The following TSHZ2 variants were observed in gnomAD, a reference collection of about 807,000 sequenced individuals.
TSHZ2 encodes the protein teashirt homolog 2.
A neutral mutation model predicts 74.4 loss-of-function variants in TSHZ2; 21 were observed. The observed-to-expected ratio is 0.28, with a 90% CI of 0.20 to 0.41. The LOEUF (loss-of-function observed/expected upper bound fraction) is 0.41, where lower values mean the gene tolerates loss of function less well. Among genes scored for constraint, TSHZ2 ranks in the 10% least tolerant of loss-of-function variants. The pLI, the probability that TSHZ2 is intolerant of heterozygous loss-of-function variation, is 1.00. For synonymous variants in TSHZ2, 540 were observed against 515.3 expected, an observed-to-expected ratio of 1.05 and a Z score of -0.65; for missense variants, 1,244 against 1,293.5, an observed-to-expected ratio of 0.96 and a Z score of 0.59.
At chr20:53,340,184 C>CTTTTTTTTTTTTTTTTTTTTTTT (rs557613827) in intron 2 of TSHZ2, among the ~76,000 whole-genome samples, 4 of 109,872 alleles carry the variant, frequency 3.6e-5, no homozygotes, top group African/African-American at 1.1e-4. Flanking sequence ...TTTCTTTTTT[C>CTTTTTTTTTTTTTTTTTTTTTTT]TTTTTTTTTT....
chr20:53,096,247 T>G (rs539574455), intron 1 of TSHZ2, among the ~76,000 whole-genome samples: 1 of 152,184 alleles, frequency 6.6e-6, no homozygotes, highest in Non-Finnish European at 1.5e-5. Context: ...ATTCAAGTGA[T>G]TCTCTTGTTT....
At chr20:53,176,246 A>G (rs1988333907) in intron 1 of TSHZ2, among the ~76,000 whole-genome samples, 2 of 152,042 alleles carry the variant, frequency 1.3e-5, no homozygotes, top group Admixed American at 6.6e-5. Flanking sequence ...TCCTGTCTGT[A>G]TCTTCTCCCT....
chr20:52,974,193 A>T (rs950808040), intron 1 of TSHZ2, among the ~76,000 whole-genome samples: 5 of 152,174 alleles, frequency 3.3e-5, no homozygotes, highest in African/African-American at 1.2e-4. Context: ...GTTTCTCGGA[A>T]ATGTAATATG....
chr20:53,166,907 G>A (rs1048706043), intron 1 of TSHZ2, among the ~76,000 whole-genome samples: 9 of 152,138 alleles, frequency 5.9e-5, no homozygotes, highest in South Asian at 2.1e-4. Context: ...CTCAGATGCT[G>A]CTAAGTATTA....
At chr20:53,282,721 T>A (rs1251676223) in intron 2 of TSHZ2, among the ~76,000 whole-genome samples, 1 of 152,234 alleles carries the variant, frequency 6.6e-6, no homozygotes, top group East Asian at 1.9e-4. Flanking sequence ...CCTTTCAGAC[T>A]GGTGATTCGA....
intron 1 of TSHZ2, among the ~76,000 whole-genome samples, chr20:53,019,331 A>C (rs2123027388): frequency 6.6e-6 from 1 of 152,174 alleles, no homozygotes; most frequent in Admixed American, 6.5e-5. Context: ...GCCTTCTTTA[A>C]GACTTGATTT....
intron 1 of TSHZ2, among the ~76,000 whole-genome samples, chr20:53,143,525 C>G (rs1181916055): frequency 6.6e-6 from 1 of 152,084 alleles, no homozygotes; most frequent in Non-Finnish European, 1.5e-5. Flanking sequence ...AACCCCGTCT[C>G]TACTAAAAAT....
chr20:53,170,737 A>G (rs1988179252), intron 1 of TSHZ2, among the ~76,000 whole-genome samples: 1 of 152,210 alleles, frequency 6.6e-6, no homozygotes, highest in African/African-American at 2.4e-5. Flanking sequence ...CGGTACTAAA[A>G]TAGACCTTTA....
At chr20:53,048,846 T>A (rs1984325603) in intron 1 of TSHZ2, among the ~76,000 whole-genome samples, 2 of 152,192 alleles carry the variant, frequency 1.3e-5, no homozygotes. Context: ...CTTGCCAGTG[T>A]TCTGTGCAAC....
At chr20:53,336,100 A>G (rs1310769702) in intron 2 of TSHZ2, among the ~76,000 whole-genome samples, 1 of 152,240 alleles carries the variant, frequency 6.6e-6, no homozygotes, top group Non-Finnish European at 1.5e-5. Flanking sequence ...CTCATCAGGT[A>G]AAATGCAAGC....
At chr20:53,303,783 G>T (rs1978403665) in intron 2 of TSHZ2, among the ~76,000 whole-genome samples, 1 of 152,158 alleles carries the variant, frequency 6.6e-6, no homozygotes, top group South Asian at 2.1e-4. Context: ...TAATAGGTCT[G>T]TCTTATAGGT....
intron 2 of TSHZ2, among the ~76,000 whole-genome samples, chr20:53,290,671 A>T (rs1991262272): frequency 6.6e-6 from 1 of 152,210 alleles, no homozygotes; most frequent in African/African-American, 2.4e-5. Flanking sequence ...TGGTTTCATT[A>T]TGGGTATTAC....
rs3042185 is a variant in TSHZ2 at position 53,394,761 on chromosome 20, C to CAAA, written c.*9-92366_*9-92364dup. Among the ~76,000 whole-genome samples, 43 of 72,350 alleles carry CAAA rather than the reference C, an allele frequency of 5.9e-4. 1 individual carries two copies. The highest frequency in any genetic ancestry group is 2.2e-3 in the African/African-American group (41 of 18,634). The allele number at this position is 72,350 out of a possible 152,430, so 47.5% of individuals were successfully genotyped here. Reference sequence around the variant, plus strand: ...GCAAACATCACTAATCAATCTGTCTCAAAAAAAAAAAAAAAAAAACTGTTC... The same window carrying CAAA: ...GCAAACATCACTAATCAATCTGTCTCAAAAAAAAAAAAAAAAAAAAAACTGTTC... On this transcript the variant is annotated intron_variant, in intron 2 of 2. Coordinates refer to ENST00000371497, the MANE Select transcript of TSHZ2 (RefSeq NM_173485.6).
chr20:53,015,220 A>C (rs1982992190), intron 1 of TSHZ2, among the ~76,000 whole-genome samples: 1 of 152,078 alleles, frequency 6.6e-6, no homozygotes, highest in African/African-American at 2.4e-5. Flanking sequence ...TTCTTTTCCT[A>C]GACATCCTCT....
At chr20:53,460,411 G>T (rs1488916220) in intron 2 of TSHZ2, among the ~76,000 whole-genome samples, 1 of 152,108 alleles carries the variant, frequency 6.6e-6, no homozygotes, top group Admixed American at 6.6e-5. Context: ...GCTCCTTTAA[G>T]CACTTCTCTG....
At chr20:53,075,681 G>A (rs1467453307) in intron 1 of TSHZ2, among the ~76,000 whole-genome samples, 6 of 152,164 alleles carry the variant, frequency 3.9e-5, no homozygotes, top group African/African-American at 1.4e-4. Context: ...GAATGAAGGT[G>A]GAGGAAGGAG....
At position 53,463,425 on chromosome 20, in the gene TSHZ2, AGGAAGGAAGGAG is replaced by A. The variant is rs1427286921; in HGVS notation, c.*9-23715_*9-23704del. ...AAGGAAGGAAGGAAGGAAGGAAGGA[AGGAAGGAAGGAG>A]GGAGGGAGGGAAGGAAGGAAGGAAG... On this transcript the variant is annotated intron_variant, in intron 2 of 2. Transcript: ENST00000371497. Among the ~76,000 whole-genome samples the A allele has an allele frequency of 4.2e-5, 5 of 118,002 alleles. No homozygotes were observed. In the East Asian group the frequency reaches 1.0e-3, roughly 25 times the overall value. 77.4% of individuals were successfully genotyped at this position (118,002 alleles called of 152,430 possible).
chr20:53,177,765 T>C (rs796801331), intron 1 of TSHZ2, among the ~76,000 whole-genome samples: 2 of 151,940 alleles, frequency 1.3e-5, no homozygotes, highest in African/African-American at 4.8e-5. Flanking sequence ...CCACACATAA[T>C]GTTTCTAGGG....
intron 2 of TSHZ2, among the ~76,000 whole-genome samples, chr20:53,356,355 A>G (rs1018862425): frequency 6.6e-6 from 1 of 152,112 alleles, no homozygotes; most frequent in Non-Finnish European, 1.5e-5. Context: ...AATCTTAACC[A>G]CTGCCCTACC....
Sources: gnomAD v4.1 joint callset for allele counts (sites outside exome capture counted in the v4.1 genomes callset) on GRCh38, gnomAD v4.1.1 for gene constraint, MANE v1.5 for transcripts, NCBI Gene and HGNC (gene_info 2026-07-23, HGNC 2026-07-21) for gene names.